Variants in CLVS1 observed in about 807,000 individuals in gnomAD.
The protein encoded by CLVS1 is clavesin-1.
A neutral mutation model predicts 33.1 loss-of-function variants in CLVS1; 10 were observed. The ratio of observed to expected loss-of-function variants is 0.30; its 90% CI spans 0.19 to 0.51. The LOEUF (loss-of-function observed/expected upper bound fraction) is 0.51, where lower values mean the gene tolerates loss of function less well. Ranked by LOEUF, CLVS1 falls within the 20% of genes least tolerant of loss-of-function variation. The pLI, the probability that CLVS1 is intolerant of heterozygous loss-of-function variation, is 0.97. For synonymous variants in CLVS1, 163 were observed against 166.1 expected (o/e 0.98, Z 0.14); for missense variants, 343 against 433.4 (o/e 0.79, Z 1.85).
chr8:61,287,939 C>A (rs1355951909), upstream of CLVS1: 1 of 369,294 alleles, frequency 2.7e-6, no homozygotes. Context: ...AGCTAGGCTC[C>A]GTATAGAAGG....
At position 61,501,022 on chromosome 8, in the gene CLVS1, T is replaced by G. The variant is rs185868074; in HGVS notation, c.*1480T>G. 6.6e-6 allele frequency: 1 copy of G among 152,342 alleles called. No individual in the cohort carries two copies. The highest frequency in any genetic ancestry group is 1.9e-4 in the East Asian group (1 of 5,194). The allele number at this position is 152,342 out of a possible 1,614,324, so 9.4% of individuals were successfully genotyped here. ...AACAATAACAGAAGTAATTTTTATATTATACACTTGGAGAAATAAAGTTGA... is the reference window on the plus strand; with the variant it reads ...AACAATAACAGAAGTAATTTTTATAGTATACACTTGGAGAAATAAAGTTGA... On this transcript the variant is annotated 3_prime_UTR_variant, in exon 6 of 6. Transcript: ENST00000325897.
At chr8:61,251,642 G>T (rs1220555944) in intron 2 of CLVS1, among the ~76,000 whole-genome samples, 1 of 152,110 alleles carries the variant, frequency 6.6e-6, no homozygotes, top group Non-Finnish European at 1.5e-5. Flanking sequence ...TTCAACTTGG[G>T]AGAGTGTATG....
chr8:61,127,997 T>C (rs1026253436), intron 1 of CLVS1, among the ~76,000 whole-genome samples: 5 of 152,258 alleles, frequency 3.3e-5, no homozygotes, highest in African/African-American at 7.2e-5. Flanking sequence ...ACAGAGATGA[T>C]GTTGAAAGCA....
At chr8:61,372,994 T>C (rs527826200) in intron 2 of CLVS1, among the ~76,000 whole-genome samples, 2 of 152,334 alleles carry the variant, frequency 1.3e-5, no homozygotes, top group South Asian at 2.1e-4. Flanking sequence ...TTCTATACTG[T>C]ACTCTTTGAA....
chr8:61,263,047 C>T (rs1360120707), intron 2 of CLVS1, among the ~76,000 whole-genome samples: 1 of 152,132 alleles, frequency 6.6e-6, no homozygotes, highest in Admixed American at 6.5e-5. Context: ...AATCAGCTGG[C>T]ATTCGAAAGA....
chr8:61,494,915 A>C (rs1804216385), intron 5 of CLVS1, among the ~76,000 whole-genome samples: 1 of 152,230 alleles, frequency 6.6e-6, no homozygotes, highest in Non-Finnish European at 1.5e-5. Context: ...CTGTATGGTC[A>C]TCTTCTCACT....
chr8:61,207,837 G>A (rs886970110), intron 2 of CLVS1, among the ~76,000 whole-genome samples: 3 of 152,192 alleles, frequency 2.0e-5, no homozygotes, highest in Non-Finnish European at 2.9e-5. Context: ...TTTGTTCACA[G>A]GGAGGGCAGG....
intron 2 of CLVS1, among the ~76,000 whole-genome samples, chr8:61,235,921 C>T (rs1236998147): frequency 6.6e-6 from 1 of 152,176 alleles, no homozygotes; most frequent in African/African-American, 2.4e-5. Context: ...AGCAGTGTAA[C>T]ATCTGGCACA....
chr8:61,342,521 G>A (rs2129598281), intron 2 of CLVS1, among the ~76,000 whole-genome samples: 1 of 152,286 alleles, frequency 6.6e-6, no homozygotes, highest in Middle Eastern at 3.4e-3. Flanking sequence ...TTTTCTTCTT[G>A]ATCTCCCAGT....
intron 3 of CLVS1, among the ~76,000 whole-genome samples, chr8:61,390,303 G>A (rs1814253507): frequency 6.6e-6 from 1 of 152,116 alleles, no homozygotes; most frequent in South Asian, 2.1e-4. Flanking sequence ...CTACATCATT[G>A]TTTAGTTATA....
At chr8:61,116,448 G>C (rs1805725825) in intron 1 of CLVS1, among the ~76,000 whole-genome samples, 1 of 152,166 alleles carries the variant, frequency 6.6e-6, no homozygotes, top group African/African-American at 2.4e-5. Context: ...CCTTGCCCAT[G>C]CCTATGTTCT....
chr8:61,270,117 T>A (rs1389364490), intron 2 of CLVS1, among the ~76,000 whole-genome samples: 1 of 152,224 alleles, frequency 6.6e-6, no homozygotes, highest in East Asian at 1.9e-4. Flanking sequence ...TGCTTCCAGT[T>A]TTTGCCCATT....
intron 5 of CLVS1, among the ~76,000 whole-genome samples, chr8:61,488,418 A>T (rs968633741): frequency 1.8e-4 from 28 of 152,212 alleles, no homozygotes; most frequent in Non-Finnish European, 2.9e-4. Flanking sequence ...TGAATTGCTC[A>T]GTAAAATTAA....
At chr8:61,210,322 C>A (rs1807945710) in intron 2 of CLVS1, among the ~76,000 whole-genome samples, 1 of 152,210 alleles carries the variant, frequency 6.6e-6, no homozygotes, top group African/African-American at 2.4e-5. Context: ...GAGGAACAGC[C>A]CTCACCGGAC....
At chr8:61,199,456 A>G (rs1461764111) in intron 2 of CLVS1, among the ~76,000 whole-genome samples, 4 of 152,358 alleles carry the variant, frequency 2.6e-5, no homozygotes, top group African/African-American at 9.6e-5. Context: ...CAATATGAAC[A>G]GACATTTCTC....
At position 61,122,901 on chromosome 8, in the gene CLVS1, G is replaced by T. The variant is rs149087032; in HGVS notation, c.-242-8869G>T. 4.0e-3 allele frequency among the ~76,000 whole-genome samples: 586 copies of T among 144,714 alleles called. 71 individuals are homozygous for T. Among genetic ancestry groups the T allele is most frequent in the African/African-American group, 0.013 (509 of 39,918 alleles). The allele number at this position is 144,714 out of a possible 152,430, so 94.9% of individuals were successfully genotyped here. On this transcript the variant is annotated intron_variant, in intron 1 of 2. Coordinates refer to the CLVS1 transcript ENST00000522621. ...TTCTGCGTTCACTCTTAATGTTCGT[G>T]GTTTCTTCAGTTTTCATGTTTCTGC...
chr8:61,061,973 G>T (rs1180867025), intron 1 of CLVS1, among the ~76,000 whole-genome samples: 3 of 151,926 alleles, frequency 2.0e-5, no homozygotes, highest in Non-Finnish European at 4.4e-5. Context: ...AACTGGAAGG[G>T]TCTCTGTGAA....
intron 5 of CLVS1, among the ~76,000 whole-genome samples, chr8:61,484,723 A>G (rs1002966313): frequency 6.6e-6 from 1 of 152,244 alleles, no homozygotes; most frequent in Non-Finnish European, 1.5e-5. Flanking sequence ...CCAAAACAGC[A>G]TGGTACTGGT....
intron 3 of CLVS1, among the ~76,000 whole-genome samples, chr8:61,412,208 A>G (rs1193808650): frequency 2.0e-5 from 3 of 152,236 alleles, no homozygotes; most frequent in Non-Finnish European, 4.4e-5. Flanking sequence ...GAATATATAT[A>G]CCAGTAATTA....
Sources: allele counts gnomAD v4.1 joint callset (sites outside exome capture counted in the v4.1 genomes callset), GRCh38; gene constraint gnomAD v4.1.1; transcripts MANE v1.5; gene names NCBI Gene and HGNC (gene_info 2026-07-23, HGNC 2026-07-21).